The following COL21A1 variants were observed in gnomAD, a reference collection of about 807,000 sequenced individuals.
COL21A1 encodes the protein collagen type XXI alpha 1 chain.
In COL21A1, 149 loss-of-function variants were observed where a neutral mutation model predicts 137.9. The ratio of observed to expected loss-of-function variants is 1.08; its 90% CI spans 0.95 to 1.24. The LOEUF is 1.24. Ranked by LOEUF, COL21A1 falls within the 50% of genes most tolerant of loss-of-function variation. The pLI, the probability that COL21A1 is intolerant of heterozygous loss-of-function variation, is 0.00. For missense variants in COL21A1, 1,167 were observed against 1,158.4 expected (o/e 1.01, Z -0.11); for synonymous variants, 456 against 391.5 (o/e 1.16, Z -1.95).
intron 1 of COL21A1, among the ~76,000 whole-genome samples, chr6:56,278,054 C>T (rs535545714): frequency 6.6e-6 from 1 of 152,236 alleles, no homozygotes; most frequent in Admixed American, 6.5e-5. Flanking sequence ...CAAATCTGGT[C>T]TTTATTTCAA....
At chr6:56,221,116 T>G (rs1356126061) in intron 1 of COL21A1, among the ~76,000 whole-genome samples, 1 of 152,140 alleles carries the variant, frequency 6.6e-6, no homozygotes, top group East Asian at 1.9e-4. Context: ...TATTGTGGAG[T>G]CTGTCTCATG....
At chr6:56,277,611 C>G (rs562676235) in intron 1 of COL21A1, among the ~76,000 whole-genome samples, 2 of 152,268 alleles carry the variant, frequency 1.3e-5, no homozygotes, top group South Asian at 4.1e-4. Context: ...TAAAAATATA[C>G]CAATTCTTGT....
chr6:56,117,736 C>G (rs925726743), intron 16 of COL21A1, among the ~76,000 whole-genome samples: 1 of 151,934 alleles, frequency 6.6e-6, no homozygotes, highest in Non-Finnish European at 1.5e-5. Flanking sequence ...CAAGCATCTT[C>G]TCTGACGATA....
intron 1 of COL21A1, among the ~76,000 whole-genome samples, chr6:56,212,380 A>T (rs753074741): frequency 1.3e-5 from 2 of 152,178 alleles, no homozygotes; most frequent in South Asian, 2.1e-4. Context: ...CTGTGAATAT[A>T]CACTACTTAA....
At chr6:56,067,730 T>C (rs1017126749) in intron 22 of COL21A1, among the ~76,000 whole-genome samples, 1 of 151,702 alleles carries the variant, frequency 6.6e-6, no homozygotes, top group African/African-American at 2.4e-5. Context: ...TAGGAAACAA[T>C]GATAAAGTAA....
intron 1 of COL21A1, among the ~76,000 whole-genome samples, chr6:56,238,156 T>C (rs1782034142): frequency 6.6e-6 from 1 of 152,064 alleles, no homozygotes; most frequent in South Asian, 2.1e-4. Context: ...AGCAATTGAT[T>C]AGGGCTGGGA....
chr6:56,072,656 G>T (rs1766859744), intron 20 of COL21A1, among the ~76,000 whole-genome samples: 1 of 151,542 alleles, frequency 6.6e-6, no homozygotes, highest in African/African-American at 2.4e-5. Context: ...ATACCCATTT[G>T]ATTAGGTATT....
chr6:56,297,137 G>A (rs955801217), intron 1 of COL21A1, among the ~76,000 whole-genome samples: 2 of 151,940 alleles, frequency 1.3e-5, no homozygotes, highest in African/African-American at 2.4e-5. Flanking sequence ...TTTAAAGGAG[G>A]GGAATTAAAT....
chr6:56,107,271 T>C (rs1250500588), intron 16 of COL21A1, among the ~76,000 whole-genome samples: 1 of 151,996 alleles, frequency 6.6e-6, no homozygotes, highest in African/African-American at 2.4e-5. Context: ...AAAACAAGCA[T>C]AGCCAATAAA....
At chr6:56,314,887 GC>G in intron 1 of COL21A1, among the ~76,000 whole-genome samples, 1 of 152,244 alleles carries the variant, frequency 6.6e-6, no homozygotes, top group South Asian at 2.1e-4. Flanking sequence ...CCACTAGAGG[GC>G]AGGACAGCAA....
At chr6:56,120,198 G>T (rs1239054882) in intron 16 of COL21A1, among the ~76,000 whole-genome samples, 1 of 152,046 alleles carries the variant, frequency 6.6e-6, no homozygotes, top group Non-Finnish European at 1.5e-5. Flanking sequence ...AAAGGACTCT[G>T]TAGAAAAAAA....
At chr6:56,144,789 G>C (rs919034600) in intron 10 of COL21A1, among the ~76,000 whole-genome samples, 3 of 152,186 alleles carry the variant, frequency 2.0e-5, no homozygotes, top group African/African-American at 7.2e-5. Context: ...AGGCAACACA[G>C]TTAAGTGGAA....
chr6:56,278,203 C>G (rs1763712046), intron 1 of COL21A1, among the ~76,000 whole-genome samples: 2 of 152,102 alleles, frequency 1.3e-5, no homozygotes, highest in South Asian at 4.2e-4. Flanking sequence ...TTATCCACAC[C>G]CTGGAGCATT....
At chr6:56,144,111 G>C (rs569707087) in intron 10 of COL21A1, among the ~76,000 whole-genome samples, 2 of 152,268 alleles carry the variant, frequency 1.3e-5, no homozygotes, top group South Asian at 4.1e-4. Flanking sequence ...GATAGGCCTA[G>C]AATTCACTCT....
chr6:56,095,510 A>G (rs1025842516), intron 17 of COL21A1, among the ~76,000 whole-genome samples: 1 of 152,014 alleles, frequency 6.6e-6, no homozygotes, highest in African/African-American at 2.4e-5. Context: ...GGCTCCCATT[A>G]CTCTCAGAAT....
At chr6:56,230,459 A>T (rs1433013789) in intron 1 of COL21A1, among the ~76,000 whole-genome samples, 1 of 151,940 alleles carries the variant, frequency 6.6e-6, no homozygotes, top group Non-Finnish European at 1.5e-5. Context: ...AATTCCGTAC[A>T]GCCTCATTTT....
chr6:56,219,216 C>CAAAAAAAAAAAAAA (rs386407160), intron 1 of COL21A1, among the ~76,000 whole-genome samples: 3 of 76,496 alleles, frequency 3.9e-5, no homozygotes, highest in Non-Finnish European at 4.6e-5. Flanking sequence ...AAACTTGCAC[C>CAAAAAAAAAAAAAA]AAAAAAAAAA....
At chr6:56,059,486 C>G (rs550532561) in intron 28 of COL21A1, among the ~76,000 whole-genome samples, 1 of 151,954 alleles carries the variant, frequency 6.6e-6, no homozygotes, top group Non-Finnish European at 1.5e-5. Context: ...AATTATTAGC[C>G]CTTTGTGTTA....
Position 56,179,760 on chromosome 6 carries a change from T to C in COL21A1, c.458A>G (p.Asp153Gly), listed in dbSNP as rs756774073. The change falls in exon 3 of 30, where the codon GAT (aspartate) becomes GGT (glycine). Residue 153 changes from aspartate (D) to glycine (G), a missense_variant. Transcript: ENST00000244728. ...TDGKSQDDVKDAAQAARDSKI... is the reference protein window; with the variant it reads ...TDGKSQDDVKGAAQAARDSKI... ...ACTATCTCTTGCTGCTTGAGCTGCA[T>C]CCTTGACGTCATCTTGGGATTTGCC... 1 of 1,613,954 alleles carries C rather than the reference T, an allele frequency of 6.2e-7. No homozygotes were observed. Among genetic ancestry groups the C allele is most frequent in the Non-Finnish European group, 8.5e-7 (1 of 1,179,846 alleles).
Sources: allele counts gnomAD v4.1 joint callset (sites outside exome capture counted in the v4.1 genomes callset), GRCh38; gene constraint gnomAD v4.1.1; transcripts MANE v1.5; gene names NCBI Gene and HGNC (gene_info 2026-07-23, HGNC 2026-07-21).